Variants in NVL observed in about 807,000 individuals in gnomAD.
NVL encodes nuclear valosin-containing protein-like.
In NVL, 84 loss-of-function variants were observed where a neutral mutation model predicts 110.2. The ratio of observed to expected loss-of-function variants is 0.76; its 90% CI spans 0.64 to 0.91. NVL has a LOEUF of 0.91. Among genes scored for constraint, NVL ranks in the 40% least tolerant of loss-of-function variants. The probability of loss-of-function intolerance (pLI) is 0.00; values close to 1 mark genes in which losing one functional copy is unlikely to be tolerated. For synonymous variants in NVL, 354 were observed against 361.1 expected (o/e 0.98, Z 0.22); for missense variants, 882 against 1,035.9 (o/e 0.85, Z 2.04).
At chr1:224,288,288 A>T (rs1331315388) in intron 13 of NVL, among the ~76,000 whole-genome samples, 1 of 152,230 alleles carries the variant, frequency 6.6e-6, no homozygotes, top group Non-Finnish European at 1.5e-5. Context: ...TATTCATTTC[A>T]GCAACCATAA....
At chr1:224,230,998 T>G (rs1478042653) in intron 22 of NVL, among the ~76,000 whole-genome samples, 1 of 151,930 alleles carries the variant, frequency 6.6e-6, no homozygotes, top group African/African-American at 2.4e-5. Flanking sequence ...CCGGGGATGG[T>G]GGCGGGCACC....
intron 9 of NVL, chr1:224,301,607 G>C (rs972731227): frequency 2.3e-5 from 6 of 255,450 alleles, no homozygotes; most frequent in African/African-American, 1.4e-4. Flanking sequence ...TTTGAGACCA[G>C]CCTGGGCAAC....
chr1:224,251,343 T>C (rs1662480461), intron 18 of NVL, among the ~76,000 whole-genome samples: 1 of 145,384 alleles, frequency 6.9e-6, no homozygotes. Flanking sequence ...AAAAAATTAA[T>C]AAATTGCATT....
At chr1:224,247,065 A>C (rs1056235313) in intron 19 of NVL, among the ~76,000 whole-genome samples, 61 of 151,890 alleles carry the variant, frequency 4.0e-4, no homozygotes, top group Non-Finnish European at 3.7e-4. Context: ...CAAAAAAAAA[A>C]AAAAAAAAAC....
intron 18 of NVL, among the ~76,000 whole-genome samples, chr1:224,254,866 A>G (rs1338358342): frequency 7.1e-6 from 1 of 140,102 alleles, no homozygotes; most frequent in Non-Finnish European, 1.5e-5. Flanking sequence ...GGCTACTTTT[A>G]AAATGGTGTA....
At chr1:224,248,758 T>C (rs1001694502) in intron 19 of NVL, among the ~76,000 whole-genome samples, 1 of 152,190 alleles carries the variant, frequency 6.6e-6, no homozygotes. Flanking sequence ...AATCTTGTGA[T>C]GTCTATTAAT....
chr1:224,275,240 G>T, intron 17 of NVL, 99 bp downstream of exon 17: 4 of 1,370,108 alleles, frequency 2.9e-6, no homozygotes, highest in Non-Finnish European at 3.0e-6. Flanking sequence ...GAGTCTCAAT[G>T]CTCCCAAGGG....
At position 224,308,222 on chromosome 1, in the gene NVL, C is replaced by G; in HGVS notation, c.384G>C (p.Arg128=). 1 of 1,612,662 alleles carries G rather than the reference C, an allele frequency of 6.2e-7. No individual in the cohort carries two copies. The highest frequency in any genetic ancestry group is 1.1e-5 in the South Asian group (1 of 90,622). The change falls in exon 6 of 23, where the codon CGG becomes CGC. Residue 128 remains arginine (R), a synonymous_variant. Coordinates refer to ENST00000281701, the MANE Select transcript of NVL (RefSeq NM_002533.4). ...TTGAAACAGAATCAGGATTTCCTTT[C>G]CGATATAAAGACAGCAGGGAACTGT... ...HMNSSLLSLY[R]KGNPDSVSNT...
At position 224,275,402 on chromosome 1, in the gene NVL, T is replaced by G. The variant is rs546234927; in HGVS notation, c.2019A>C (p.Ser673=). The change falls in exon 17 of 23, where the codon TCA becomes TCC. Residue 673 remains serine (S), a synonymous_variant. Coordinates refer to ENST00000281701, the MANE Select transcript of NVL (RefSeq NM_002533.4). The part of the protein sequence containing the change: ...VRQVFQRAKN[S]APCVIFFDEV... ...CATCAAAGAATATCACACAGGGTGC[T>G]GAGTTCTTGGCTCGTTGAAAAACTT... The G allele has an allele frequency of 3.1e-6, 5 of 1,614,188 alleles. No homozygotes were observed. In the South Asian group the frequency reaches 5.5e-5, roughly 18 times the overall value.
At chr1:224,265,230 C>A (rs1301561270) in intron 18 of NVL, among the ~76,000 whole-genome samples, 1 of 151,974 alleles carries the variant, frequency 6.6e-6, no homozygotes, top group Non-Finnish European at 1.5e-5. Context: ...ACAGGCCAGG[C>A]GCAGTGGCTC....
chr1:224,255,182 G>GTTTT lies in NVL; in HGVS notation c.2183-4868_2183-4865dup, dbSNP rs34120278. On this transcript the variant is annotated intron_variant, in intron 18 of 22. Transcript: ENST00000281701. ...ATGTGCCTGGCCCAAAATGGTGTAG[G>GTTTT]TTTTTTTTTTTTTTTTTTTTTTCCT... 6.8e-4 allele frequency among the ~76,000 whole-genome samples: 66 copies of GTTTT among 96,692 alleles called. 3 individuals are homozygous for GTTTT. Among genetic ancestry groups the GTTTT allele is most frequent in the Admixed American group, 9.3e-4 (6 of 6,454 alleles). The allele number at this position is 96,692 out of a possible 152,430, so 63.4% of individuals were successfully genotyped here. A position where few individuals can be genotyped will look rare whatever the true frequency, so the allele number is the denominator to read the frequency against.
intron 18 of NVL, among the ~76,000 whole-genome samples, chr1:224,256,423 T>A (rs1169514503): frequency 2.2e-4 from 17 of 75,656 alleles, no homozygotes; most frequent in South Asian, 6.7e-4. Context: ...AGGCTCCATC[T>A]AAAAAAAAAA....
intron 1 of NVL, among the ~76,000 whole-genome samples, chr1:224,327,701 C>T (rs1671274634): frequency 1.3e-5 from 2 of 151,036 alleles, no homozygotes; most frequent in South Asian, 4.2e-4. Context: ...TTATAATGAA[C>T]CAAAGTGAAA....
At chr1:224,292,334 C>T (rs1030736013) in intron 12 of NVL, among the ~76,000 whole-genome samples, 1 of 152,094 alleles carries the variant, frequency 6.6e-6, no homozygotes, top group Admixed American at 6.5e-5. Flanking sequence ...TATGTTAATT[C>T]AATACTCACA....
chr1:224,308,060 C>T lies in NVL; in HGVS notation c.546G>A (p.Lys182=), dbSNP rs769253066. 6.3e-7 allele frequency: 1 copy of T among 1,599,126 alleles called. No individual in the cohort carries two copies. Among genetic ancestry groups the T allele is most frequent in the East Asian group, 2.2e-5 (1 of 44,644 alleles). The change falls in exon 6 of 23, where the codon AAG becomes AAA. Residue 182 remains lysine (K), a synonymous_variant. Coordinates refer to ENST00000281701, the MANE Select transcript of NVL (RefSeq NM_002533.4). The part of the protein sequence containing the change: ...GWFIDKTPSV[K]KDSFFLDLSC... ...ACAGGTCCAAGAAAAAACTGTCTTT[C>T]TTTACACTTGGGGTTTTGTCAATAA...
At chr1:224,231,522 C>T (rs1173638288) in intron 21 of NVL, among the ~76,000 whole-genome samples, 4 of 152,148 alleles carry the variant, frequency 2.6e-5, no homozygotes, top group Non-Finnish European at 5.9e-5. Flanking sequence ...AAGTTGGTAA[C>T]TTTTTGTAGG....
chr1:224,260,546 A>G (rs1175595815), intron 18 of NVL, among the ~76,000 whole-genome samples: 1 of 152,126 alleles, frequency 6.6e-6, no homozygotes, highest in Non-Finnish European at 1.5e-5. Context: ...ATGAGCCAAC[A>G]CACCCAGCCT....
At chr1:224,274,514 G>A (rs1665551610) in intron 17 of NVL, among the ~76,000 whole-genome samples, 3 of 151,692 alleles carry the variant, frequency 2.0e-5, no homozygotes, top group South Asian at 2.1e-4. Context: ...GCGGGTGCCT[G>A]TAATCCCAGC....
intron 18 of NVL, among the ~76,000 whole-genome samples, chr1:224,267,686 C>CAA (rs532968583): frequency 1.2e-4 from 6 of 51,458 alleles, no homozygotes; most frequent in East Asian, 5.7e-4. Flanking sequence ...GATTCTGTCT[C>CAA]AAAAAAAAAA....
Sources: gnomAD v4.1 joint callset for allele counts (sites outside exome capture counted in the v4.1 genomes callset) on GRCh38, gnomAD v4.1.1 for gene constraint, MANE v1.5 for transcripts, NCBI Gene and HGNC (gene_info 2026-07-23, HGNC 2026-07-21) for gene names.